Variants in GABRB3 observed in about 807,000 individuals in gnomAD.
GABRB3 encodes the protein gamma-aminobutyric acid receptor subunit beta-3.
A neutral mutation model predicts 52.1 loss-of-function variants in GABRB3; 14 were observed. The observed-to-expected ratio is 0.27, with a 90% CI of 0.18 to 0.42. The LOEUF is 0.42. Among genes scored for constraint, GABRB3 ranks in the 10% least tolerant of loss-of-function variants. GABRB3 has a pLI of 1.00. For synonymous variants in GABRB3, 260 were observed against 232.3 expected (o/e 1.12, Z -1.08); for missense variants, 307 against 609.1 (o/e 0.50, Z 5.22).
At chr15:26,683,738 AAC>A (rs1274009572) in intron 3 of GABRB3, among the ~76,000 whole-genome samples, 1 of 152,236 alleles carries the variant, frequency 6.6e-6, no homozygotes, top group East Asian at 1.9e-4. Context: ...GGGGGAACAA[AAC>A]ACAAACAACC....
chr15:26,697,513 C>A (rs922277476), intron 3 of GABRB3, among the ~76,000 whole-genome samples: 1 of 152,106 alleles, frequency 6.6e-6, no homozygotes, highest in African/African-American at 2.4e-5. Context: ...CACCCTGGCA[C>A]ACTCTCTCAG....
At chr15:26,649,116 G>A (rs1046460016) in intron 3 of GABRB3, among the ~76,000 whole-genome samples, 1 of 152,206 alleles carries the variant, frequency 6.6e-6, no homozygotes, top group African/African-American at 2.4e-5. Flanking sequence ...GCTACGGTGA[G>A]AAGCATTGCT....
intron 3 of GABRB3, among the ~76,000 whole-genome samples, chr15:26,753,113 C>T (rs1890561638): frequency 6.6e-6 from 1 of 152,208 alleles, no homozygotes; most frequent in Admixed American, 6.5e-5. Context: ...GAGCTAACTT[C>T]TGAGCTGCCC....
At chr15:26,749,522 T>C (rs1334038232) in intron 3 of GABRB3, among the ~76,000 whole-genome samples, 2 of 152,220 alleles carry the variant, frequency 1.3e-5, no homozygotes, top group Non-Finnish European at 2.9e-5. Context: ...TCTATAAGTG[T>C]CAATCAAATC....
rs143172888 is a variant in GABRB3, at chr15:26,660,841, G to C, written c.241-39307C>G. ...TTATAAAGATATTTGTTTGGTTTGG[G>C]GGGGCAAGGGGTTTTGAGACAGGGT... On this transcript the variant is annotated intron_variant, in intron 3 of 8. Transcript: ENST00000311550. 8.0e-3 allele frequency among the ~76,000 whole-genome samples: 1,221 copies of C among 152,266 alleles called. 18 individuals are homozygous for C. The highest frequency in any genetic ancestry group is 0.028 in the African/African-American group (1,168 of 41,560).
chr15:26,590,706 G>C (rs1448242675), intron 4 of GABRB3, among the ~76,000 whole-genome samples: 1 of 134,786 alleles, frequency 7.4e-6, no homozygotes, highest in African/African-American at 4.0e-5. Flanking sequence ...AAAGGCTTTT[G>C]CTATGGGAAC....
chr15:26,739,495 C>T (rs906617967), intron 3 of GABRB3, among the ~76,000 whole-genome samples: 9 of 151,998 alleles, frequency 5.9e-5, no homozygotes, highest in Non-Finnish European at 1.0e-4. Flanking sequence ...TAAATATTTG[C>T]TGAGTGAATT....
chr15:26,572,032 G>A (rs990507450), intron 6 of GABRB3, among the ~76,000 whole-genome samples: 7 of 142,640 alleles, frequency 4.9e-5, no homozygotes, highest in African/African-American at 1.0e-4. Context: ...GCGACAGAGC[G>A]AGACTCCGTC....
chr15:26,571,594 C>A (rs781165766), intron 6 of GABRB3, among the ~76,000 whole-genome samples: 18 of 152,172 alleles, frequency 1.2e-4, no homozygotes, highest in Non-Finnish European at 2.5e-4. Flanking sequence ...GTAGAAACCA[C>A]TATTGACTGC....
intron 3 of GABRB3, among the ~76,000 whole-genome samples, chr15:26,726,783 A>T (rs1242312651): frequency 6.6e-6 from 1 of 152,114 alleles, no homozygotes; most frequent in Non-Finnish European, 1.5e-5. Context: ...TACACTGTAA[A>T]GTCACTGTTT....
At chr15:26,604,144 A>C (rs1176504059) in intron 4 of GABRB3, among the ~76,000 whole-genome samples, 1 of 152,116 alleles carries the variant, frequency 6.6e-6, no homozygotes, top group Non-Finnish European at 1.5e-5. Context: ...CTAAAAAAGA[A>C]ATTTAAAAAA....
At chr15:26,711,247 ACTC>A (rs1889284407) in intron 3 of GABRB3, among the ~76,000 whole-genome samples, 1 of 152,020 alleles carries the variant, frequency 6.6e-6, no homozygotes, top group African/African-American at 2.4e-5. Flanking sequence ...ATGGCAAAGA[ACTC>A]CTCCTTTTCT....
At chr15:26,656,348 A>G (rs369496503) in intron 3 of GABRB3, among the ~76,000 whole-genome samples, 11 of 152,196 alleles carry the variant, frequency 7.2e-5, no homozygotes, top group Admixed American at 2.6e-4. Context: ...AATGTTGCCA[A>G]TAAGGATTAG....
intron 3 of GABRB3, among the ~76,000 whole-genome samples, chr15:26,764,538 TAA>T (rs1800163483): frequency 6.6e-6 from 1 of 152,158 alleles, no homozygotes; most frequent in African/African-American, 2.4e-5. Flanking sequence ...ACATGGCTTC[TAA>T]TTCTGGATGT....
At chr15:26,677,174 G>C (rs573556284) in intron 3 of GABRB3, among the ~76,000 whole-genome samples, 1 of 152,294 alleles carries the variant, frequency 6.6e-6, no homozygotes, top group South Asian at 2.1e-4. Flanking sequence ...CAAAAGGGCA[G>C]GACTGAAAAC....
chr15:26,705,312 C>A (rs959375421), intron 3 of GABRB3, among the ~76,000 whole-genome samples: 2 of 152,138 alleles, frequency 1.3e-5, no homozygotes, highest in South Asian at 2.1e-4. Flanking sequence ...AGGGAAGAAG[C>A]CTCACCACCT....
chr15:26,733,692 C>A (rs1889990766), intron 3 of GABRB3, among the ~76,000 whole-genome samples: 1 of 152,164 alleles, frequency 6.6e-6, no homozygotes, highest in South Asian at 2.1e-4. Flanking sequence ...AAGAACAAAG[C>A]TTGAGCACTC....
chr15:26,659,708 C>T (rs1887480149), intron 3 of GABRB3, among the ~76,000 whole-genome samples: 1 of 152,130 alleles, frequency 6.6e-6, no homozygotes, highest in African/African-American at 2.4e-5. Context: ...GGAAGAAATA[C>T]ATGTTCTTTG....
intron 4 of GABRB3, among the ~76,000 whole-genome samples, 156 bp from the exon 5 acceptor site, chr15:26,583,570 A>G (rs981774746): frequency 6.6e-6 from 1 of 152,082 alleles, no homozygotes; most frequent in Non-Finnish European, 1.5e-5. Context: ...ACTTGAGTAA[A>G]TAAGAAACTC....
Sources: gnomAD v4.1 joint callset for allele counts (sites outside exome capture counted in the v4.1 genomes callset) on GRCh38, gnomAD v4.1.1 for gene constraint, MANE v1.5 for transcripts, NCBI Gene and HGNC (gene_info 2026-07-23, HGNC 2026-07-21) for gene names.